Variants in GSG1L observed in about 807,000 individuals in gnomAD.
GSG1L encodes the protein GSG1 like, also known as germ cell-specific gene 1-like protein.
Under a neutral mutation model 42.1 loss-of-function variants are expected in GSG1L, and 24 were observed. The observed-to-expected ratio is 0.57, with a 90% CI of 0.41 to 0.80. The LOEUF is 0.80. GSG1L is among the 30% of genes least tolerant of loss of function. The pLI, the probability that GSG1L is intolerant of heterozygous loss-of-function variation, is 0.00. For missense variants in GSG1L, 445 were observed against 472.2 expected, an observed-to-expected ratio of 0.94 and a Z score of 0.53; for synonymous variants, 215 against 203.5, an observed-to-expected ratio of 1.06 and a Z score of -0.48.
chr16:27,920,945 G>C (rs2084517918), intron 2 of GSG1L, among the ~76,000 whole-genome samples: 1 of 152,172 alleles, frequency 6.6e-6, no homozygotes, highest in Non-Finnish European at 1.5e-5. Context: ...GTGATTTCTA[G>C]CTAGACCTAG....
chr16:28,033,026 G>A (rs74639735), intron 1 of GSG1L, among the ~76,000 whole-genome samples: 4,137 of 152,266 alleles, frequency 0.027, 217 homozygotes, highest in African/African-American at 0.094. Flanking sequence ...TTAGAATAAA[G>A]TCCAAATTTT....
At chr16:27,999,420 A>G (rs2085556749) in intron 1 of GSG1L, among the ~76,000 whole-genome samples, 1 of 152,190 alleles carries the variant, frequency 6.6e-6, no homozygotes, top group Non-Finnish European at 1.5e-5. Context: ...ATAATCACTG[A>G]TGGAAAGAAT....
chr16:27,989,558 G>A (rs1182763036), intron 1 of GSG1L, among the ~76,000 whole-genome samples: 1 of 152,120 alleles, frequency 6.6e-6, no homozygotes, highest in Non-Finnish European at 1.5e-5. Flanking sequence ...TGCCCAACAT[G>A]GTGAAACCCT....
Position 27,888,495 on chromosome 16 carries a change from CTTTCTTTCTTTCTTTCTTTCTTTCTTTCT to C in GSG1L, c.398-3886_398-3858del, listed in dbSNP as rs2084073839. ...CTCTCTCTCTTTCCTTTCTTTCTTT[CTTTCTTTCTTTCTTTCTTTCTTTCTTTCT>C]TTCTTTCTTTCTTTCTTTCTTTCTT... On this transcript the variant is annotated intron_variant, in intron 2 of 6. Coordinates refer to ENST00000447459, the MANE Select transcript of GSG1L (RefSeq NM_001109763.2). 3.3e-4 allele frequency among the ~76,000 whole-genome samples: 2 copies of C among 5,992 alleles called. 1 individual carries two copies. Among genetic ancestry groups the C allele is most frequent in the South Asian group, 0.015 (2 of 130 alleles). 3.9% of individuals were successfully genotyped at this position (5,992 alleles called of 152,430 possible). A position where few individuals can be genotyped will look rare whatever the true frequency, so the allele number is the denominator to read the frequency against.
At chr16:27,829,348 T>C (rs1419053964) in intron 4 of GSG1L, among the ~76,000 whole-genome samples, 1 of 152,054 alleles carries the variant, frequency 6.6e-6, no homozygotes, top group African/African-American at 2.4e-5. Flanking sequence ...CATGGAGGCA[T>C]CAAACAGCAG....
At chr16:28,019,244 G>A (rs1312807724) in intron 1 of GSG1L, among the ~76,000 whole-genome samples, 4 of 152,270 alleles carry the variant, frequency 2.6e-5, no homozygotes, top group South Asian at 4.1e-4. Context: ...AGCATGAAGT[G>A]AAGAAGTCAG....
chr16:27,921,791 GC>G (rs1335520285), intron 2 of GSG1L, among the ~76,000 whole-genome samples: 3 of 152,170 alleles, frequency 2.0e-5, no homozygotes, highest in Admixed American at 2.0e-4. Context: ...TTATGCGGCA[GC>G]CCCTTCTCAA....
chr16:27,945,076 C>CA (rs34265192), intron 2 of GSG1L, among the ~76,000 whole-genome samples: 20,525 of 87,204 alleles, frequency 0.24, 3,036 homozygotes, highest in African/African-American at 0.43. Flanking sequence ...GACCCTGTCT[C>CA]AAAAAAAAAA....
chr16:27,857,050 C>A (rs2083587854), intron 3 of GSG1L, among the ~76,000 whole-genome samples: 1 of 152,152 alleles, frequency 6.6e-6, no homozygotes, highest in Non-Finnish European at 1.5e-5. Flanking sequence ...GGGGTTGGCT[C>A]AACTTTGGGG....
chr16:27,982,168 G>C (rs542063015), intron 1 of GSG1L, among the ~76,000 whole-genome samples: 1 of 152,280 alleles, frequency 6.6e-6, no homozygotes, highest in South Asian at 2.1e-4. Flanking sequence ...AGGAATTTGA[G>C]ACAAGTCTGG....
At chr16:28,004,605 C>A (rs2085619205) in intron 1 of GSG1L, among the ~76,000 whole-genome samples, 1 of 150,986 alleles carries the variant, frequency 6.6e-6, no homozygotes, top group South Asian at 2.1e-4. Flanking sequence ...TAGAATGAGA[C>A]CCCATCTCTA....
intron 4 of GSG1L, among the ~76,000 whole-genome samples, chr16:27,834,185 CAATT>C (rs1308439049): frequency 1.3e-5 from 2 of 152,080 alleles, no homozygotes; most frequent in Non-Finnish European, 2.9e-5. Context: ...TTTTCTGTAT[CAATT>C]AATATGGTCA....
intron 1 of GSG1L, among the ~76,000 whole-genome samples, chr16:28,028,620 A>T (rs2085925352): frequency 6.6e-6 from 1 of 152,134 alleles, no homozygotes; most frequent in African/African-American, 2.4e-5. Flanking sequence ...AAAGGAAATT[A>T]TTCCTTATTT....
At chr16:27,879,787 T>TTATTATTTTTATTGTATTATTATTTTATG (rs1402339941) in intron 3 of GSG1L, among the ~76,000 whole-genome samples, 1 of 151,596 alleles carries the variant, frequency 6.6e-6, no homozygotes, top group East Asian at 1.9e-4. Flanking sequence ...ATTATTTTAT[T>TTATTATTTTTATTGTATTATTATTTTATG]TATTATTTTT....
chr16:28,061,072 A>G (rs1008021423), intron 1 of GSG1L, among the ~76,000 whole-genome samples: 4 of 152,070 alleles, frequency 2.6e-5, no homozygotes, highest in Non-Finnish European at 5.9e-5. Flanking sequence ...GAGATGCCTC[A>G]TTGTATTTTC....
At chr16:28,026,913 C>G (rs150673880) in intron 1 of GSG1L, among the ~76,000 whole-genome samples, 1 of 152,126 alleles carries the variant, frequency 6.6e-6, no homozygotes, top group Non-Finnish European at 1.5e-5. Context: ...GAAACTCCAT[C>G]TCTACTAAAA....
chr16:27,930,865 C>A (rs1356711272), intron 2 of GSG1L, among the ~76,000 whole-genome samples: 1 of 152,118 alleles, frequency 6.6e-6, no homozygotes, highest in Non-Finnish European at 1.5e-5. Context: ...GTGGAGACTA[C>A]AGACATGCAC....
chr16:28,020,541 G>T (rs1051752673), intron 1 of GSG1L, among the ~76,000 whole-genome samples: 1 of 152,110 alleles, frequency 6.6e-6, no homozygotes, highest in Non-Finnish European at 1.5e-5. Flanking sequence ...GGGTACTCTT[G>T]TCCTTATGTC....
intron 2 of GSG1L, among the ~76,000 whole-genome samples, chr16:27,930,442 T>C (rs958659366): frequency 1.3e-5 from 2 of 152,198 alleles, no homozygotes; most frequent in African/African-American, 2.4e-5. Flanking sequence ...AGGTCACACA[T>C]TTATTTGTGG....
Sources: allele counts gnomAD v4.1 joint callset (sites outside exome capture counted in the v4.1 genomes callset), GRCh38; gene constraint gnomAD v4.1.1; transcripts MANE v1.5; gene names NCBI Gene and HGNC (gene_info 2026-07-23, HGNC 2026-07-21).